TAPBPL: variants seen among roughly 807,000 people sequenced by gnomAD.
TAPBPL encodes tapasin-related protein.
TAPBPL carries 32 observed loss-of-function variants against 44.8 expected under a neutral mutation model. The ratio of observed to expected loss-of-function variants is 0.71; its 90% CI spans 0.54 to 0.96. The LOEUF is 0.96. Ranked by LOEUF, TAPBPL falls within the 40% of genes least tolerant of loss-of-function variation. The probability of loss-of-function intolerance (pLI) is 0.00; values close to 1 mark genes in which losing one functional copy is unlikely to be tolerated. For missense variants in TAPBPL, 520 were observed against 586.6 expected (o/e 0.89, Z 1.17); for synonymous variants, 230 against 240.7 (o/e 0.96, Z 0.41).
Position 6,462,089 on chromosome 12 carries a change from T to G in TAPBPL, c.1347T>G (p.Ala449=). 6.2e-7 allele frequency: 1 copy of G among 1,613,864 alleles called. No homozygotes were observed. The highest frequency in any genetic ancestry group is 8.5e-7 in the Non-Finnish European group (1 of 1,179,726). Residue 449 remains alanine (A), a synonymous_variant, in exon 7 of 7, where the codon GCT becomes GCG. Transcript: ENST00000266556. ...QAERWETTSC[A]DTQSSHLHED... is the part of the protein sequence containing the mutation. ...AACGCTGGGAGACCACTTCCTGTGC[T>G]GACACACAGAGCTCCCATCTCCATG...
Position 6,453,725 on chromosome 12 carries a change from A to G in TAPBPL, c.565+9A>G. The G allele has an allele frequency of 6.3e-7, 1 of 1,579,230 alleles. No homozygotes were observed. Among genetic ancestry groups the G allele is most frequent in the Non-Finnish European group, 8.6e-7 (1 of 1,162,386 alleles). On this transcript the variant is annotated intron_variant, in intron 3 of 6. Transcript: ENST00000266556. The surrounding 1 kb of genome is among the most constrained non-coding windows in gnomAD (Gnocchi z 4.8). ...GACTGTGCGAACTGCAGGTAAGAAA[A>G]TGAAAAGCAAGGCCAGGTGTGGTGG...
At position 6,459,018 on chromosome 12, in the gene TAPBPL, T is replaced by C. The variant is rs181710262; in HGVS notation, c.1207+71T>C. On this transcript the variant is annotated intron_variant, in intron 5 of 6. Transcript: ENST00000266556. Reference sequence around the variant, plus strand: ...TGGCTCTCCTGCCCCAGCTCATCTATGGCCTTGTTCTGCTGCCCATCCACT... The same window carrying C: ...TGGCTCTCCTGCCCCAGCTCATCTACGGCCTTGTTCTGCTGCCCATCCACT... The C allele has an allele frequency of 6.9e-5, 106 of 1,528,406 alleles. No homozygotes were observed. In the Middle Eastern group the frequency reaches 7.7e-4, roughly 11 times the overall value. 94.7% of individuals were successfully genotyped at this position (1,528,406 alleles called of 1,614,324 possible). A position where few individuals can be genotyped will look rare whatever the true frequency, so the allele number is the denominator to read the frequency against.
downstream of TAPBPL, chr12:6,463,056 G>T (rs116839028): frequency 1.7e-4 from 268 of 1,540,860 alleles, no homozygotes; most frequent in African/African-American, 3.3e-3. This position sits in a 1 kb window ranked among gnomAD's most constrained non-coding sequence, Gnocchi z 4.0. Flanking sequence ...CTTGCACCTG[G>T]GCTTATCCCA....
downstream of TAPBPL, chr12:6,462,633 C>T: frequency 4.5e-6 from 3 of 660,564 alleles, no homozygotes; most frequent in Non-Finnish European, 7.7e-6. Context: ...CTCAGAGGGA[C>T]AGAAACCCAG....
At chr12:6,464,101 C>T (rs753475010), downstream of TAPBPL, 24 of 1,317,520 alleles carry the variant, frequency 1.8e-5, no homozygotes, top group Non-Finnish European at 2.3e-5. Flanking sequence ...CCATGGGCAC[C>T]GATACTCTTC....
At chr12:6,459,841 G>C (rs952193720) in intron 5 of TAPBPL, among the ~76,000 whole-genome samples, 1 of 151,726 alleles carries the variant, frequency 6.6e-6, no homozygotes, top group Non-Finnish European at 1.5e-5. Context: ...TATGATCTCA[G>C]CTCACTGCAA....
chr12:6,452,961 G>A (rs1309482449), intron 1 of TAPBPL, 106 bp from the exon 2 acceptor site: 46 of 1,195,356 alleles, frequency 3.8e-5, no homozygotes, highest in Non-Finnish European at 5.1e-5. Flanking sequence ...ATCTTGGATG[G>A]CAACTTTTAC....
chr12:6,464,443 G>A, downstream of TAPBPL: 5 of 1,565,932 alleles, frequency 3.2e-6, no homozygotes, highest in Non-Finnish European at 4.3e-6. Context: ...GGATGGCAAT[G>A]GACAACAGGG....
downstream of TAPBPL, chr12:6,465,946 G>C: frequency 6.2e-7 from 1 of 1,614,258 alleles, no homozygotes; most frequent in Non-Finnish European, 8.5e-7. Flanking sequence ...AGCTCTGACA[G>C]CTTCTGGTCC....
downstream of TAPBPL, chr12:6,465,373 A>T (rs10849461): frequency 1.2e-4 from 13 of 104,508 alleles, 1 homozygote; most frequent in Admixed American, 4.2e-4. Context: ...TATATATATA[A>T]ATGTATATAT....
Position 6,452,120 on chromosome 12 carries a change from G to A in TAPBPL, c.-129G>A, listed in dbSNP as rs376757857. 2 of 1,147,348 alleles carry A rather than the reference G, an allele frequency of 1.7e-6. No individual in the cohort carries two copies. Among genetic ancestry groups the A allele is most frequent in the Non-Finnish European group, 2.5e-6 (2 of 787,192 alleles). 71.1% of individuals were successfully genotyped at this position (1,147,348 alleles called of 1,614,324 possible). A position where few individuals can be genotyped will look rare whatever the true frequency, so the allele number is the denominator to read the frequency against. On this transcript the variant is annotated 5_prime_UTR_variant, in exon 1 of 7. Transcript: ENST00000266556. ...AGAAAAGTCGGCAGCAGAGGGAACA[G>A]GGAAGAAACCTAAAGGCTGCAGGCT... is the stretch of plus-strand genomic sequence containing the variant.
Position 6,462,226 on chromosome 12 carries a change from A to C in TAPBPL, c.*77A>C, listed in dbSNP as rs1949889676. ...CCACAGCTACTCCAACCCAAACAAC[A>C]ACCAAGCCAGTTTAATGGTAGGAAT... On this transcript the variant is annotated 3_prime_UTR_variant, in exon 7 of 7. Coordinates refer to ENST00000266556, the MANE Select transcript of TAPBPL (RefSeq NM_018009.5). 7.1e-6 allele frequency: 9 copies of C among 1,270,592 alleles called. No homozygotes were observed. In the East Asian group the frequency reaches 1.3e-4, roughly 18 times the overall value. The allele number at this position is 1,270,592 out of a possible 1,614,324, so 78.7% of individuals were successfully genotyped here.
chr12:6,469,899 C>G (rs1242575161), downstream of TAPBPL, among the ~76,000 whole-genome samples: 3 of 152,178 alleles, frequency 2.0e-5, no homozygotes, highest in Non-Finnish European at 4.4e-5. Flanking sequence ...AAAACATCTC[C>G]TATACGAATG....
At chr12:6,462,671 A>T, downstream of TAPBPL, 1 of 767,028 alleles carries the variant, frequency 1.3e-6, no homozygotes, top group Non-Finnish European at 2.1e-6. Flanking sequence ...GGGCTGGGAG[A>T]GCCAAGAGGA....
upstream of TAPBPL, chr12:6,451,650 C>T (rs11569389): frequency 4.6e-5 from 21 of 453,860 alleles, no homozygotes; most frequent in Non-Finnish European, 7.1e-5. Context: ...TTGTAAAACA[C>T]ACTTCCTGCT....
chr12:6,456,082 T>G (rs1268682375), intron 3 of TAPBPL, among the ~76,000 whole-genome samples: 1 of 152,082 alleles, frequency 6.6e-6, no homozygotes, highest in Non-Finnish European at 1.5e-5. Flanking sequence ...CTTTAAAAAA[T>G]AATTAAATGT....
At chr12:6,465,465 TAGTGTGTG>T (rs1339991976), downstream of TAPBPL, 13 of 122,720 alleles carry the variant, frequency 1.1e-4, no homozygotes, top group East Asian at 5.2e-4. Context: ...TGTGTATATA[TAGTGTGTG>T]TGTGTGTGTG....
downstream of TAPBPL, chr12:6,466,080 C>G (rs779158714): frequency 2.4e-5 from 38 of 1,612,054 alleles, no homozygotes; most frequent in Non-Finnish European, 3.0e-5. Flanking sequence ...AATCACAAGT[C>G]TGGCCCTGTG....
At chr12:6,452,920 G>A (rs1475876749) in intron 1 of TAPBPL, 147 bp from the exon 2 acceptor site, 12 of 848,654 alleles carry the variant, frequency 1.4e-5, no homozygotes, top group African/African-American at 5.1e-5. Flanking sequence ...TGGGGATGAC[G>A]GGAGAATAGA....
Sources: allele counts gnomAD v4.1 joint callset (sites outside exome capture counted in the v4.1 genomes callset), GRCh38; gene constraint gnomAD v4.1.1; non-coding constraint Gnocchi (gnomAD v3.1); transcripts MANE v1.5; gene names NCBI Gene and HGNC (gene_info 2026-07-23, HGNC 2026-07-21).